Variants in FAM13C observed in about 807,000 individuals in gnomAD.
The protein encoded by FAM13C is protein FAM13C.
Under a neutral mutation model 73.2 loss-of-function variants are expected in FAM13C, and 37 were observed. The observed-to-expected ratio is 0.51, with a 90% CI of 0.39 to 0.67. The LOEUF is 0.67. Ranked by LOEUF, FAM13C falls within the 30% of genes least tolerant of loss-of-function variation. The pLI, the probability that FAM13C is intolerant of heterozygous loss-of-function variation, is 0.00. For synonymous variants in FAM13C, 246 were observed against 260.9 expected, an observed-to-expected ratio of 0.94 and a Z score of 0.55; for missense variants, 589 against 715.6, an observed-to-expected ratio of 0.82 and a Z score of 2.02.
At chr10:59,329,515 T>C (rs935052001) in intron 3 of FAM13C, among the ~76,000 whole-genome samples, 1 of 151,782 alleles carries the variant, frequency 6.6e-6, no homozygotes, top group African/African-American at 2.4e-5. Context: ...CCCACCACCA[T>C]GCCCAGCTAA....
intron 6 of FAM13C, among the ~76,000 whole-genome samples, chr10:59,272,096 C>T (rs79053614): frequency 0.015 from 2,284 of 152,334 alleles, 27 homozygotes; most frequent in Non-Finnish European, 0.024. Flanking sequence ...CACATCACTA[C>T]AAATGGCTTT....
intron 3 of FAM13C, among the ~76,000 whole-genome samples, chr10:59,329,777 T>C (rs1293452987): frequency 6.6e-6 from 1 of 152,168 alleles, no homozygotes; most frequent in African/African-American, 2.4e-5. Flanking sequence ...ATTTTCCAAA[T>C]CTAATAACAT....
At chr10:59,327,536 G>A (rs388722) in intron 3 of FAM13C, 67,268 of 148,832 alleles carry the variant, frequency 0.45, 16,455 homozygotes, top group African/African-American at 0.65. Context: ...ACATATTTGT[G>A]AAAGATTGAG....
chr10:59,252,528 A>G (rs905329674), intron 12 of FAM13C, among the ~76,000 whole-genome samples: 4 of 152,020 alleles, frequency 2.6e-5, no homozygotes, highest in African/African-American at 9.7e-5. Flanking sequence ...TAATGATAAT[A>G]ATAATGATAA....
chr10:59,344,254 G>A (rs1322422391), intron 3 of FAM13C, among the ~76,000 whole-genome samples: 1 of 146,796 alleles, frequency 6.8e-6, no homozygotes, highest in Non-Finnish European at 1.5e-5. Context: ...GAGCCGCCGC[G>A]CCCGGCCTCT....
intron 1 of FAM13C, among the ~76,000 whole-genome samples, chr10:59,361,774 T>C (rs1220762936): frequency 6.6e-6 from 1 of 152,200 alleles, no homozygotes; most frequent in Non-Finnish European, 1.5e-5. Flanking sequence ...GCTGGTACGC[T>C]CCTTCATTCA....
At chr10:59,313,994 T>C (rs982452627) in intron 4 of FAM13C, among the ~76,000 whole-genome samples, 1 of 152,278 alleles carries the variant, frequency 6.6e-6, no homozygotes, top group African/African-American at 2.4e-5. Context: ...GCATATATCC[T>C]ATTTGAAGAG....
At chr10:59,259,578 A>T (rs910187151) in intron 10 of FAM13C, among the ~76,000 whole-genome samples, 3 of 152,164 alleles carry the variant, frequency 2.0e-5, no homozygotes, top group African/African-American at 7.2e-5. Flanking sequence ...CTTTCTCAAG[A>T]CCAATACTCA....
intron 4 of FAM13C, among the ~76,000 whole-genome samples, chr10:59,320,948 C>A (rs572040332): frequency 6.6e-6 from 1 of 152,158 alleles, no homozygotes; most frequent in Non-Finnish European, 1.5e-5. Flanking sequence ...TGTTTTCGAA[C>A]TTGGAGGTAG....
intron 3 of FAM13C, among the ~76,000 whole-genome samples, chr10:59,342,722 T>C (rs1853674816): frequency 6.6e-6 from 1 of 152,216 alleles, no homozygotes; most frequent in South Asian, 2.1e-4. Context: ...GAGGTTAATA[T>C]GTTATGCCTC....
intron 4 of FAM13C, chr10:59,323,522 A>T (rs74153329): frequency 0.011 from 1,888 of 170,210 alleles, 39 homozygotes; most frequent in African/African-American, 0.043. Flanking sequence ...CTTGTGCAAC[A>T]TCAGGCAAGT....
chr10:59,279,127 A>G (rs1209652923), intron 6 of FAM13C, among the ~76,000 whole-genome samples: 2 of 152,192 alleles, frequency 1.3e-5, no homozygotes, highest in East Asian at 3.8e-4. Context: ...GTATTACTGA[A>G]CCTTCTTGCA....
rs141924207 is a variant in FAM13C at position 59,248,609 on chromosome 10, AAGGGGTAG to A, written c.1635-880_1635-873del. 4.3e-3 allele frequency among the ~76,000 whole-genome samples: 661 copies of A among 152,300 alleles called. 6 individuals are homozygous for A. Among genetic ancestry groups the A allele is most frequent in the African/African-American group, 0.012 (502 of 41,540 alleles). ...ATTTCCACCCACGACTTTGAAATTC[AAGGGGTAG>A]AGGACACAGATATAGTCACCACAAT... is the stretch of plus-strand genomic sequence containing the variant. On this transcript the variant is annotated intron_variant, in intron 13 of 13. Transcript: ENST00000618804.
chr10:59,292,991 T>C (rs767878785), intron 5 of FAM13C, among the ~76,000 whole-genome samples: 7 of 151,774 alleles, frequency 4.6e-5, no homozygotes, highest in Non-Finnish European at 8.8e-5. Flanking sequence ...TCCCTGTCTC[T>C]CTCTCCCCCT....
At chr10:59,284,829 C>A (rs771724238) in intron 5 of FAM13C, among the ~76,000 whole-genome samples, 4 of 151,396 alleles carry the variant, frequency 2.6e-5, no homozygotes, top group Non-Finnish European at 5.9e-5. Flanking sequence ...CATACCCATG[C>A]ACACCCACCT....
At chr10:59,332,219 GATCAATAT>G (rs1190584059) in intron 3 of FAM13C, among the ~76,000 whole-genome samples, 1 of 151,900 alleles carries the variant, frequency 6.6e-6, no homozygotes, top group Non-Finnish European at 1.5e-5. Context: ...TGGAGGGGTA[GATCAATAT>G]GTTTGTATAT....
At chr10:59,292,996 C>T (rs1439900861) in intron 5 of FAM13C, among the ~76,000 whole-genome samples, 1 of 151,946 alleles carries the variant, frequency 6.6e-6, no homozygotes, top group Non-Finnish European at 1.5e-5. Flanking sequence ...GTCTCTCTCT[C>T]CCCCTTACCC....
At chr10:59,264,485 CTG>C (rs1177148507) in intron 8 of FAM13C, among the ~76,000 whole-genome samples, 1 of 152,162 alleles carries the variant, frequency 6.6e-6, no homozygotes, top group African/African-American at 2.4e-5. Context: ...TGCAGTCAAA[CTG>C]TCAATCACCT....
At chr10:59,316,227 C>T (rs1849514021) in intron 4 of FAM13C, among the ~76,000 whole-genome samples, 1 of 152,118 alleles carries the variant, frequency 6.6e-6, no homozygotes, top group South Asian at 2.1e-4. Context: ...GAACTGTAAT[C>T]TCAGTGTGCC....
Sources: gnomAD v4.1 joint callset for allele counts (sites outside exome capture counted in the v4.1 genomes callset) on GRCh38, gnomAD v4.1.1 for gene constraint, MANE v1.5 for transcripts, NCBI Gene and HGNC (gene_info 2026-07-23, HGNC 2026-07-21) for gene names.